Variants in PDE8B observed in about 807,000 individuals in gnomAD.
The protein encoded by PDE8B is high affinity cAMP-specific and IBMX-insensitive 3',5'-cyclic phosphodiesterase 8B.
A neutral mutation model predicts 101.3 loss-of-function variants in PDE8B; 26 were observed. The observed-to-expected ratio is 0.26, with a 90% CI of 0.19 to 0.36. The LOEUF (loss-of-function observed/expected upper bound fraction) is 0.36. Among genes scored for constraint, PDE8B ranks in the 10% least tolerant of loss-of-function variants. PDE8B has a pLI of 1.00. For missense variants in PDE8B, 810 were observed against 1,163.1 expected, an observed-to-expected ratio of 0.70 and a Z score of 4.42; for synonymous variants, 424 against 429.3, an observed-to-expected ratio of 0.99 and a Z score of 0.15.
chr5:77,173,590 G>T, the PDE8B span, among the ~76,000 whole-genome samples: 2 of 152,114 alleles, frequency 1.3e-5, no homozygotes, highest in Admixed American at 6.5e-5. Context: ...AGTCAAAATG[G>T]AAGGGCGAAT....
chr5:77,306,088 TG>T (rs536735814), intron 1 of PDE8B, among the ~76,000 whole-genome samples: 44 of 152,250 alleles, frequency 2.9e-4, no homozygotes, highest in African/African-American at 8.9e-4. Context: ...TTCTTGGTGC[TG>T]GGCCAGCCCT....
chr5:77,145,814 C>T, the PDE8B span: 1 of 152,174 alleles, frequency 6.6e-6, no homozygotes, highest in Non-Finnish European at 1.5e-5. Flanking sequence ...CAAAATTCTA[C>T]TGGCAGGAAG....
chr5:77,190,032 G>T, the PDE8B span, among the ~76,000 whole-genome samples: 2 of 152,308 alleles, frequency 1.3e-5, no homozygotes, highest in East Asian at 1.9e-4. Context: ...TATCTCTAAG[G>T]CCCCTTCTAG....
rs200721410 is a variant in PDE8B at position 77,407,458 on chromosome 5, G to A, written c.1365+1G>A. ...GACCATCGAGGCTCCCATCACAAAG[G>A]TGAGTGGCGGCTGCTGCCTGCACTC... On this transcript the variant is annotated splice_donor_variant, in intron 13 of 21. Transcript: ENST00000264917. LOFTEE classifies it high-confidence loss of function. 1 of 1,611,174 alleles carries A rather than the reference G, an allele frequency of 6.2e-7. No individual in the cohort carries two copies. The highest frequency in any genetic ancestry group is 1.7e-5 in the Admixed American group (1 of 60,024).
intron 1 of PDE8B, among the ~76,000 whole-genome samples, chr5:77,301,645 A>T (rs1188468210): frequency 2.0e-5 from 3 of 152,224 alleles, no homozygotes; most frequent in Non-Finnish European, 4.4e-5. Flanking sequence ...GGTATCTCTA[A>T]TAAAAGGAAG....
intron 10 of PDE8B, among the ~76,000 whole-genome samples, chr5:77,396,442 T>C (rs1292949963): frequency 6.6e-6 from 1 of 152,226 alleles, no homozygotes; most frequent in Admixed American, 6.5e-5. Context: ...CTTTTCCTTA[T>C]TGGTTTGCAT....
the PDE8B span, among the ~76,000 whole-genome samples, chr5:77,122,505 A>T: frequency 6.6e-6 from 1 of 152,198 alleles, no homozygotes; most frequent in African/African-American, 2.4e-5. Flanking sequence ...AATTCAGCAG[A>T]ACCTAGGCTC....
chr5:77,241,933 C>T (rs1013572298), intron 1 of PDE8B, among the ~76,000 whole-genome samples: 1 of 152,202 alleles, frequency 6.6e-6, no homozygotes, highest in Non-Finnish European at 1.5e-5. Flanking sequence ...CTACTACAAA[C>T]AACAGCAAAA....
At chr5:77,161,918 C>A in the PDE8B span, among the ~76,000 whole-genome samples, 1 of 149,756 alleles carries the variant, frequency 6.7e-6, no homozygotes, top group South Asian at 2.1e-4. Context: ...TATAGATCTT[C>A]TTTTGTTAGG....
Position 77,212,091 on chromosome 5 carries a change from A to C in PDE8B, c.339+827A>C, listed in dbSNP as rs1299784208. Reference sequence around the variant, plus strand: ...TATTTCTTAAAGACAGAAGAAAAATAATTATTTAAATAGTGTCCTCCCGTA... The same window carrying C: ...TATTTCTTAAAGACAGAAGAAAAATCATTATTTAAATAGTGTCCTCCCGTA... On this transcript the variant is annotated intron_variant, in intron 1 of 21. Coordinates refer to ENST00000264917, the MANE Select transcript of PDE8B (RefSeq NM_003719.5). Among the ~76,000 whole-genome samples the C allele has an allele frequency of 6.6e-5, 10 of 152,352 alleles. No individual in the cohort carries two copies. In the South Asian group the frequency reaches 1.0e-3, roughly 16 times the overall value.
At chr5:77,221,181 T>C (rs550331543) in intron 1 of PDE8B, among the ~76,000 whole-genome samples, 31 of 152,356 alleles carry the variant, frequency 2.0e-4, no homozygotes, top group African/African-American at 7.0e-4. Flanking sequence ...ACTTATTCTT[T>C]TACTGTTTGT....
the PDE8B span, among the ~76,000 whole-genome samples, chr5:77,197,877 C>A: frequency 7.9e-6 from 1 of 127,294 alleles, no homozygotes; most frequent in African/African-American, 3.3e-5. Flanking sequence ...TCTCTTCTCA[C>A]AATGCTTGTT....
intron 11 of PDE8B, among the ~76,000 whole-genome samples, chr5:77,403,119 T>C (rs993857230): frequency 6.6e-6 from 1 of 152,208 alleles, no homozygotes; most frequent in Non-Finnish European, 1.5e-5. Flanking sequence ...AATGTGTGTT[T>C]CTGAAGCCAA....
chr5:77,127,357 C>T, the PDE8B span, among the ~76,000 whole-genome samples: 6 of 152,056 alleles, frequency 3.9e-5, no homozygotes, highest in African/African-American at 1.4e-4. Context: ...CCAGCATTTC[C>T]CCTGCTTACA....
intron 1 of PDE8B, among the ~76,000 whole-genome samples, chr5:77,300,410 A>G (rs1242736326): frequency 6.6e-6 from 1 of 152,188 alleles, no homozygotes; most frequent in Non-Finnish European, 1.5e-5. Context: ...CCACCAATGG[A>G]CACAGAACTG....
Position 77,378,046 on chromosome 5 carries a change from AC to A in PDE8B, c.1168-22201del, listed in dbSNP as rs1251725334. Among the ~76,000 whole-genome samples the A allele has an allele frequency of 4.8e-3, 477 of 99,560 alleles. 2 individuals are homozygous for A. The highest frequency in any genetic ancestry group is 9.4e-3 in the Non-Finnish European group (355 of 37,736). The allele number at this position is 99,560 out of a possible 152,430, so 65.3% of individuals were successfully genotyped here. Reference sequence around the variant, plus strand: ...CACACACACACACACACACACACACACACCCCCTGTTGGTTCTTTGTCTAGA... The same window carrying A: ...CACACACACACACACACACACACACAACCCCCTGTTGGTTCTTTGTCTAGA... On this transcript the variant is annotated intron_variant, in intron 10 of 21. Transcript: ENST00000264917.
At chr5:77,303,346 C>G (rs991193281) in intron 1 of PDE8B, among the ~76,000 whole-genome samples, 3 of 152,042 alleles carry the variant, frequency 2.0e-5, no homozygotes, top group Admixed American at 1.3e-4. Context: ...TCAAGACCAG[C>G]CTGGGCAACA....
the PDE8B span, chr5:77,114,152 C>T: frequency 6.6e-6 from 1 of 152,128 alleles, no homozygotes; most frequent in South Asian, 2.1e-4. Flanking sequence ...CCAGCAATTC[C>T]ATTACTGGGT....
At chr5:77,236,250 G>C (rs1169338860) in intron 1 of PDE8B, among the ~76,000 whole-genome samples, 1 of 152,198 alleles carries the variant, frequency 6.6e-6, no homozygotes, top group Admixed American at 6.5e-5. Flanking sequence ...AGGGAAGAGA[G>C]GTGAGAGGAC....
Sources: gnomAD v4.1 joint callset for allele counts (sites outside exome capture counted in the v4.1 genomes callset) on GRCh38, gnomAD v4.1.1 for gene constraint, MANE v1.5 for transcripts, NCBI Gene and HGNC (gene_info 2026-07-23, HGNC 2026-07-21) for gene names.